PCDHA5: variants seen among roughly 807,000 people sequenced by gnomAD.
The protein encoded by PCDHA5 is protocadherin alpha-5.
In PCDHA5, 43 loss-of-function variants were observed where a neutral mutation model predicts 61.6. The ratio of observed to expected loss-of-function variants is 0.70; its 90% confidence interval spans 0.55 to 0.90. PCDHA5 has a LOEUF of 0.90. Ranked by LOEUF, PCDHA5 falls within the 40% of genes least tolerant of loss-of-function variation. PCDHA5 has a pLI of 0.00. For missense variants in PCDHA5, 1,298 were observed against 1,222.7 expected (o/e 1.06, Z -0.92); for synonymous variants, 627 against 543.9 (o/e 1.15, Z -2.13).
At position 140,829,335 on chromosome 5, in the gene PCDHA5, G is replaced by T. The variant is rs2150166074; in HGVS notation, c.2352+5208G>T. 2.5e-6 allele frequency: 4 copies of T among 1,614,114 alleles called. No homozygotes were observed. In the African/African-American group the frequency reaches 5.3e-5, roughly 22 times the overall value. ...TTGGTGCTGGACAGTGCCCTGGACC[G>T]CGAGAGCGTGTCGGCCTATGAGTTG... On this transcript the variant is annotated intron_variant, in intron 1 of 3. Transcript: ENST00000529859.
At chr5:140,858,235 A>T (rs2045286318) in intron 1 of PCDHA5, 1 of 1,596,218 alleles carries the variant, frequency 6.3e-7, no homozygotes, top group African/African-American at 1.3e-5. Flanking sequence ...CCGAGGGCGC[A>T]TGTGGGCCGG....
intron 1 of PCDHA5, among the ~76,000 whole-genome samples, chr5:140,958,944 T>G (rs199974895): frequency 1.0e-5 from 1 of 100,018 alleles, no homozygotes; most frequent in African/African-American, 4.8e-5. Context: ...TGTAATAATA[T>G]TATATTATTA....
At chr5:140,883,577 G>A (rs782633953) in intron 1 of PCDHA5, 3 of 1,614,052 alleles carry the variant, frequency 1.9e-6, no homozygotes, top group Non-Finnish European at 2.5e-6. Context: ...TTCGCTGTGG[G>A]CCACGGCCAG....
intron 1 of PCDHA5, among the ~76,000 whole-genome samples, chr5:140,880,233 T>A (rs1040125802): frequency 6.6e-6 from 1 of 152,046 alleles, no homozygotes; most frequent in African/African-American, 2.4e-5. Flanking sequence ...TTTAAATTAG[T>A]GTATGTGCGT....
In PCDHA5 at chr5:140,857,452, G is replaced by T. The variant is rs782723934; in HGVS notation, c.2352+33325G>T. 4.4e-6 allele frequency: 7 copies of T among 1,598,562 alleles called. No individual in the cohort carries two copies. The East Asian group carries it at 6.7e-5, about 15-fold the overall frequency. ...CGGTGTTCGTGAAGGAGAACAACCC[G>T]CCAGGCTGCCACATCTTCACGGTGT... On this transcript the variant is annotated intron_variant, in intron 1 of 3. Transcript: ENST00000529859.
In PCDHA5 at chr5:140,876,565, G is replaced by C. The variant is rs371696514; in HGVS notation, c.2352+52438G>C. 63 of 1,614,064 alleles carry C rather than the reference G, an allele frequency of 3.9e-5. No homozygotes were observed. In the Middle Eastern group the frequency reaches 4.9e-4, roughly 13 times the overall value. On this transcript the variant is annotated intron_variant, in intron 1 of 3. Transcript: ENST00000529859. ...GCTCCCTGTGCAAGAGGATGCTCAG[G>C]TGGGTACCGTCATTGCCCTGATTAG...
At chr5:140,876,660 G>C in intron 1 of PCDHA5, 1 of 1,614,216 alleles carries the variant, frequency 6.2e-7, no homozygotes, top group Non-Finnish European at 8.5e-7. Context: ...TTCCCTTCAA[G>C]CTGGTGTCCA....
At chr5:140,992,188 T>C (rs1193005639) in intron 3 of PCDHA5, among the ~76,000 whole-genome samples, 6 of 152,140 alleles carry the variant, frequency 3.9e-5, no homozygotes, top group African/African-American at 1.4e-4. Flanking sequence ...ATGCTTTCAG[T>C]GATCTATCCA....
intron 2 of PCDHA5, among the ~76,000 whole-genome samples, chr5:140,980,956 C>T (rs2096912703): frequency 6.6e-6 from 1 of 152,110 alleles, no homozygotes; most frequent in Non-Finnish European, 1.5e-5. Flanking sequence ...AGGATAGTTA[C>T]ACCTTCATGA....
chr5:140,915,634 CT>C (rs782528552), intron 1 of PCDHA5, among the ~76,000 whole-genome samples: 9 of 150,114 alleles, frequency 6.0e-5, no homozygotes, highest in Non-Finnish European at 1.3e-4. Context: ...CTGTCTCTCT[CT>C]CTCTCTCTCT....
At chr5:140,880,694 A>C (rs1254061280) in intron 1 of PCDHA5, among the ~76,000 whole-genome samples, 1 of 152,228 alleles carries the variant, frequency 6.6e-6, no homozygotes, top group Non-Finnish European at 1.5e-5. Context: ...AGTCATGGTT[A>C]AGTGACAATG....
intron 1 of PCDHA5, among the ~76,000 whole-genome samples, chr5:140,939,868 T>C (rs868982739): frequency 2.6e-5 from 4 of 152,340 alleles, no homozygotes; most frequent in Middle Eastern, 6.8e-3. Flanking sequence ...CATTAGGTCA[T>C]CTTTGCTAGT....
intron 1 of PCDHA5, among the ~76,000 whole-genome samples, chr5:140,959,348 G>C (rs991931151): frequency 1.3e-5 from 2 of 152,110 alleles, no homozygotes; most frequent in Admixed American, 6.5e-5. Flanking sequence ...GCACTCCAGC[G>C]GGACAACTGA....
intron 1 of PCDHA5, among the ~76,000 whole-genome samples, chr5:140,826,648 C>T (rs1181948430): frequency 1.3e-5 from 2 of 152,006 alleles, no homozygotes; most frequent in Non-Finnish European, 1.5e-5. Context: ...ATGAAGGTAA[C>T]ATTTTTGCAA....
intron 1 of PCDHA5, chr5:140,967,384 G>A (rs1422023127): frequency 2.5e-6 from 4 of 1,609,080 alleles, no homozygotes; most frequent in Non-Finnish European, 3.4e-6. Flanking sequence ...ACAGTAAAGT[G>A]CTTGAGCTGG....
intron 1 of PCDHA5, chr5:140,857,893 T>A (rs781996912): frequency 6.3e-7 from 1 of 1,596,578 alleles, no homozygotes; most frequent in South Asian, 1.1e-5. Flanking sequence ...CGGCGGCGGT[T>A]GGTGCACGCA....
intron 1 of PCDHA5, among the ~76,000 whole-genome samples, chr5:140,960,351 T>C (rs1268803425): frequency 3.3e-5 from 5 of 152,192 alleles, no homozygotes; most frequent in African/African-American, 7.2e-5. Flanking sequence ...AGATATGTAC[T>C]GAAATAATAT....
At chr5:140,909,353 T>C (rs2074452823) in intron 1 of PCDHA5, among the ~76,000 whole-genome samples, 1 of 152,156 alleles carries the variant, frequency 6.6e-6, no homozygotes, top group Non-Finnish European at 1.5e-5. Flanking sequence ...CCAAGAGATG[T>C]GTTAATTTGT....
At chr5:140,856,434 C>A in intron 1 of PCDHA5, 2 of 1,598,320 alleles carry the variant, frequency 1.3e-6, no homozygotes, top group Non-Finnish European at 1.7e-6. Flanking sequence ...AACGACAACC[C>A]GCCCAGGTTC....
Sources: gnomAD v4.1 joint callset for allele counts (sites outside exome capture counted in the v4.1 genomes callset) on GRCh38, gnomAD v4.1.1 for gene constraint, MANE v1.5 for transcripts, NCBI Gene and HGNC (gene_info 2026-07-23, HGNC 2026-07-21) for gene names.